Variants in SORCS1 observed in about 807,000 individuals in gnomAD.
SORCS1 encodes the protein sortilin related VPS10 domain containing receptor 1, also known as VPS10 domain-containing receptor SorCS1.
In SORCS1, 60 loss-of-function variants were observed where a neutral mutation model predicts 146.1. The ratio of observed to expected loss-of-function variants is 0.41; its 90% CI spans 0.33 to 0.51. SORCS1 has a LOEUF of 0.51. Ranked by LOEUF, SORCS1 falls within the 20% of genes least tolerant of loss-of-function variation. The pLI is 0.21. For missense variants in SORCS1, 1,352 were observed against 1,487.6 expected (o/e 0.91, Z 1.50); for synonymous variants, 637 against 584.0 (o/e 1.09, Z -1.31).
At chr10:106,766,312 G>A (rs530572630) in intron 4 of SORCS1, among the ~76,000 whole-genome samples, 62 of 152,252 alleles carry the variant, frequency 4.1e-4, no homozygotes, top group Non-Finnish European at 7.6e-4. Flanking sequence ...GATGGCCTGG[G>A]TACAAAGCAC....
intron 9 of SORCS1, among the ~76,000 whole-genome samples, chr10:106,694,677 C>T (rs183967229): frequency 6.6e-6 from 1 of 152,218 alleles, no homozygotes; most frequent in Admixed American, 6.5e-5. Context: ...ATTATCATAA[C>T]CGTTGAGTTT....
the SORCS1 span, among the ~76,000 whole-genome samples, chr10:107,178,826 G>GTA: frequency 0.033 from 4,938 of 151,344 alleles, 239 homozygotes; most frequent in African/African-American, 0.11. Context: ...GTATTTCATT[G>GTA]TATATATATA....
chr10:106,980,104 C>A (rs1956189445), intron 1 of SORCS1, among the ~76,000 whole-genome samples: 3 of 152,074 alleles, frequency 2.0e-5, no homozygotes, highest in Non-Finnish European at 4.4e-5. Flanking sequence ...CATATTCCAC[C>A]ACAAATACAT....
At chr10:106,812,384 TAC>T (rs1357012404) in intron 3 of SORCS1, among the ~76,000 whole-genome samples, 3 of 152,206 alleles carry the variant, frequency 2.0e-5, no homozygotes, top group African/African-American at 7.2e-5. Flanking sequence ...TCTTAGAGCT[TAC>T]AGTTTATTAT....
chr10:106,952,784 T>G (rs1954754041), intron 2 of SORCS1, among the ~76,000 whole-genome samples: 2 of 151,224 alleles, frequency 1.3e-5, no homozygotes, highest in Non-Finnish European at 2.9e-5. Context: ...AAAACCAGTT[T>G]GAGTAACAAA....
At chr10:106,733,270 C>T (rs900873772) in intron 5 of SORCS1, among the ~76,000 whole-genome samples, 14 of 152,122 alleles carry the variant, frequency 9.2e-5, no homozygotes, top group African/African-American at 3.1e-4. Context: ...AACTACAAAA[C>T]AAAGCTTTAC....
At chr10:106,634,952 A>G (rs562664466) in intron 18 of SORCS1, among the ~76,000 whole-genome samples, 1 of 152,344 alleles carries the variant, frequency 6.6e-6, no homozygotes, top group East Asian at 1.9e-4. Context: ...CACATGTCCT[A>G]ATACAGACAC....
intron 2 of SORCS1, among the ~76,000 whole-genome samples, chr10:106,949,817 T>G (rs1954578752): frequency 1.3e-5 from 2 of 152,174 alleles, no homozygotes; most frequent in African/African-American, 4.8e-5. Context: ...AGGCAACCTC[T>G]AAGATAGACA....
intron 5 of SORCS1, among the ~76,000 whole-genome samples, chr10:106,759,563 T>C (rs1195021398): frequency 6.6e-6 from 1 of 152,194 alleles, no homozygotes; most frequent in Non-Finnish European, 1.5e-5. Context: ...TTGTTCTTAC[T>C]TTGCCAGAAT....
intron 3 of SORCS1, among the ~76,000 whole-genome samples, chr10:106,794,595 C>T (rs1401686891): frequency 1.3e-5 from 2 of 151,262 alleles, no homozygotes; most frequent in East Asian, 3.9e-4. Flanking sequence ...CTGTGCCTCC[C>T]GGGTTCACGC....
intron 2 of SORCS1, among the ~76,000 whole-genome samples, chr10:106,880,870 C>G (rs1950777990): frequency 1.3e-5 from 2 of 151,824 alleles, no homozygotes; most frequent in Admixed American, 1.3e-4. Flanking sequence ...GGGCGGATCA[C>G]AAGGTCAGGA....
chr10:107,057,197 A>G (rs561059947), intron 1 of SORCS1, among the ~76,000 whole-genome samples: 8 of 152,328 alleles, frequency 5.3e-5, no homozygotes, highest in African/African-American at 1.9e-4. Flanking sequence ...GTGGATAACC[A>G]CTTTATGAAA....
intron 13 of SORCS1, 128 bp downstream of exon 13, chr10:106,677,185 C>T: frequency 8.2e-6 from 7 of 856,962 alleles, no homozygotes; most frequent in Non-Finnish European, 1.3e-5. Context: ...AGGACCTGAA[C>T]CAAACCTCGG....
At chr10:106,717,291 C>G (rs56763204) in intron 6 of SORCS1, among the ~76,000 whole-genome samples, 3 of 152,188 alleles carry the variant, frequency 2.0e-5, no homozygotes, top group Non-Finnish European at 4.4e-5. Flanking sequence ...TCATCACGCA[C>G]GCACACACGT....
chr10:107,116,585 C>T (rs1041037162), intron 1 of SORCS1, among the ~76,000 whole-genome samples: 9 of 151,928 alleles, frequency 5.9e-5, no homozygotes, highest in African/African-American at 1.5e-4. Flanking sequence ...GGGCAAATAC[C>T]GTATAATTTC....
chr10:107,133,362 C>T (rs767643480), intron 1 of SORCS1, among the ~76,000 whole-genome samples: 3 of 152,076 alleles, frequency 2.0e-5, no homozygotes, highest in Non-Finnish European at 2.9e-5. Context: ...CTCAAGACAA[C>T]TGCATTCCTT....
intron 2 of SORCS1, among the ~76,000 whole-genome samples, chr10:106,925,315 C>T (rs1428989965): frequency 6.6e-6 from 1 of 152,124 alleles, no homozygotes; most frequent in African/African-American, 2.4e-5. Flanking sequence ...GCTGCCCTCT[C>T]TGCATGATTA....
the SORCS1 span, among the ~76,000 whole-genome samples, chr10:107,179,904 C>CTTTTTTTTT: frequency 2.1e-4 from 11 of 51,284 alleles, 4 homozygotes; most frequent in African/African-American, 5.0e-4. Context: ...ACAAAACAGA[C>CTTTTTTTTT]TTTTTTTTTT....
At chr10:106,598,243 T>TATG (rs1395409833) in intron 23 of SORCS1, among the ~76,000 whole-genome samples, 3 of 130,292 alleles carry the variant, frequency 2.3e-5, no homozygotes, top group Non-Finnish European at 4.7e-5. Context: ...ATTATATTAT[T>TATG]ATTATTATTA....
Sources: allele counts gnomAD v4.1 joint callset (sites outside exome capture counted in the v4.1 genomes callset), GRCh38; gene constraint gnomAD v4.1.1; transcripts MANE v1.5; gene names NCBI Gene and HGNC (gene_info 2026-07-23, HGNC 2026-07-21).